The following BACH2 variants were observed in gnomAD, a reference collection of about 807,000 sequenced individuals.
BACH2 encodes the protein transcription regulator protein BACH2.
A neutral mutation model predicts 61.8 loss-of-function variants in BACH2; 5 were observed. The observed-to-expected ratio is 0.08, with a 90% CI of 0.04 to 0.17. The LOEUF (loss-of-function observed/expected upper bound fraction) is 0.17, where lower values mean the gene tolerates loss of function less well. Among genes scored for constraint, BACH2 ranks in the 10% least tolerant of loss-of-function variants. The pLI is 1.00. For synonymous variants in BACH2, 446 were observed against 440.1 expected (o/e 1.01, Z -0.17); for missense variants, 824 against 1,091.1 (o/e 0.76, Z 3.45).
Position 89,951,719 on chromosome 6 carries a change from C to T in BACH2, c.387G>A (p.Leu129=). Residue 129 remains leucine (L), a synonymous_variant, in exon 7 of 9, where the codon CTG becomes CTA. Transcript: ENST00000257749. This position sits in a 1 kb window ranked among gnomAD's most constrained non-coding sequence, Gnocchi z 6.4. ...HNLEDSCFSF[L]QTQLLNSEDG... is the part of the protein sequence containing the mutation. ...CCTCACTGTTCAGGAGCTGGGTCTG[C>T]AGGAAGCTGAAGCAGGAGTCCTCCA... The T allele has an allele frequency of 6.2e-7, 1 of 1,614,230 alleles. No individual in the cohort carries two copies. Among genetic ancestry groups the T allele is most frequent in the Non-Finnish European group, 8.5e-7 (1 of 1,180,046 alleles).
At chr6:90,139,902 A>C (rs1323858882) in intron 4 of BACH2, among the ~76,000 whole-genome samples, 1 of 151,902 alleles carries the variant, frequency 6.6e-6, no homozygotes, top group Non-Finnish European at 1.5e-5. Flanking sequence ...GCTAATAGAC[A>C]CCCTCCCCAA....
intron 3 of BACH2, among the ~76,000 whole-genome samples, chr6:90,230,134 T>C (rs534205916): frequency 6.6e-6 from 1 of 152,190 alleles, no homozygotes; most frequent in Non-Finnish European, 1.5e-5. Flanking sequence ...CAGAGAGGTT[T>C]TGAGAAAGGA....
chr6:90,124,050 G>C (rs1783749653), intron 4 of BACH2, among the ~76,000 whole-genome samples: 1 of 152,138 alleles, frequency 6.6e-6, no homozygotes, highest in African/African-American at 2.4e-5. Context: ...CTTAAGGGTG[G>C]CTGAGTCAGA....
At chr6:90,230,902 T>C (rs906666895) in intron 3 of BACH2, among the ~76,000 whole-genome samples, 2 of 152,184 alleles carry the variant, frequency 1.3e-5, no homozygotes, top group African/African-American at 4.8e-5. Flanking sequence ...TTGCTTCCAT[T>C]GATCATCCCT....
intron 5 of BACH2, among the ~76,000 whole-genome samples, chr6:90,075,402 C>T (rs924897418): frequency 6.6e-6 from 1 of 152,078 alleles, no homozygotes; most frequent in Non-Finnish European, 1.5e-5. Flanking sequence ...AAACTAAAAG[C>T]GTTTTTAAGG....
intron 4 of BACH2, among the ~76,000 whole-genome samples, chr6:90,112,975 T>C (rs1033229238): frequency 6.6e-6 from 1 of 152,084 alleles, no homozygotes; most frequent in Admixed American, 6.6e-5. Context: ...ACAAAGCTGA[T>C]TTCAAACCAA....
intron 5 of BACH2, among the ~76,000 whole-genome samples, chr6:90,029,755 C>T (rs1778854933): frequency 6.6e-6 from 1 of 152,220 alleles, no homozygotes; most frequent in Non-Finnish European, 1.5e-5. Context: ...TGTTTCTTCA[C>T]ACATATCCCT....
chr6:90,216,357 CCT>C (rs768904257), intron 3 of BACH2, among the ~76,000 whole-genome samples: 22 of 152,176 alleles, frequency 1.4e-4, no homozygotes, highest in Non-Finnish European at 3.1e-4. Flanking sequence ...GCTGCCTTGC[CCT>C]CTTTCTGGGG....
intron 5 of BACH2, among the ~76,000 whole-genome samples, chr6:90,072,896 C>G (rs62408197): frequency 6.6e-6 from 1 of 152,094 alleles, no homozygotes; most frequent in Non-Finnish European, 1.5e-5. Context: ...TAAAAAAAAC[C>G]AACCCGCTAC....
intron 1 of BACH2, among the ~76,000 whole-genome samples, chr6:90,295,718 G>A (rs1772333660): frequency 1.3e-5 from 2 of 152,166 alleles, no homozygotes; most frequent in South Asian, 2.1e-4. Context: ...CTGTGGGAGA[G>A]GAGGTGCAAG....
rs759035058 is a variant in BACH2, at chr6:89,950,572, G to C, written c.1534C>G (p.Pro512Ala). 1.2e-5 allele frequency: 20 copies of C among 1,611,506 alleles called. No individual in the cohort carries two copies. Among genetic ancestry groups the C allele is most frequent in the Admixed American group, 5.0e-5 (3 of 59,898 alleles). The part of the protein sequence containing the change: ...VPIKVCPRSP[P>A]LETRTRTSSS... ...GAAGTCCTGGTCCTGGTCTCCAAGGGGGGTGAGCGAGGGCAGACTTTGATT... is the reference window on the plus strand; with the variant it reads ...GAAGTCCTGGTCCTGGTCTCCAAGGCGGGTGAGCGAGGGCAGACTTTGATT... Residue 512 changes from proline (P) to alanine (A), a missense_variant, in exon 7 of 9, where the codon CCC becomes GCC. Around this residue, in one of 8 missense-constraint regions of BACH2, gnomAD observed 102 missense variants for 98.1 expected, o/e 1.04. Transcript: ENST00000257749. This position sits in a 1 kb window ranked among gnomAD's most constrained non-coding sequence, Gnocchi z 5.3.
At chr6:89,956,527 C>T (rs954584010) in intron 6 of BACH2, among the ~76,000 whole-genome samples, 4 of 152,204 alleles carry the variant, frequency 2.6e-5, no homozygotes, top group Non-Finnish European at 5.9e-5. Context: ...AACATATCAT[C>T]TCTCTGCTGA....
At position 89,932,905 on chromosome 6, in the gene BACH2, A is replaced by C; in HGVS notation, c.2044-15T>G. 6.4e-7 allele frequency: 1 copy of C among 1,550,522 alleles called. No homozygotes were observed. Among genetic ancestry groups the C allele is most frequent in the Non-Finnish European group, 8.7e-7 (1 of 1,144,326 alleles). The stretch of plus-strand genomic sequence containing the variant: ...TTCTCACACACCTGGACAGTAGAGA[A>C]AAAAAGAGAAGGGTTGATCAAGCCT... On this transcript the variant is annotated splice_polypyrimidine_tract_variant and intron_variant, in intron 8 of 8. Transcript: ENST00000257749.
chr6:90,259,919 T>C (rs1346501010), intron 2 of BACH2, among the ~76,000 whole-genome samples: 3 of 152,126 alleles, frequency 2.0e-5, no homozygotes, highest in Non-Finnish European at 2.9e-5. Flanking sequence ...ATTTCTTCAA[T>C]TTCATTTTTG....
chr6:89,999,202 G>C (rs12214856), intron 6 of BACH2, among the ~76,000 whole-genome samples: 1 of 152,052 alleles, frequency 6.6e-6, no homozygotes, highest in African/African-American at 2.4e-5. Flanking sequence ...TCAGCTTTCA[G>C]CCTAAATGAT....
At chr6:90,080,902 G>T in intron 5 of BACH2, 1 of 393,238 alleles carries the variant, frequency 2.5e-6, no homozygotes, top group South Asian at 1.1e-4. Flanking sequence ...TTTTTTGGGT[G>T]ATAGTCCACT....
chr6:90,257,267 T>C (rs1047427777), intron 2 of BACH2, among the ~76,000 whole-genome samples: 11 of 152,334 alleles, frequency 7.2e-5, no homozygotes, highest in African/African-American at 2.2e-4. Flanking sequence ...GGGTCATATA[T>C]GGTAGTTCTG....
chr6:90,101,316 C>A (rs184212781), intron 4 of BACH2, among the ~76,000 whole-genome samples: 1 of 152,166 alleles, frequency 6.6e-6, no homozygotes. Context: ...CACTGCCTAA[C>A]GCAAGGTCAC....
intron 4 of BACH2, among the ~76,000 whole-genome samples, chr6:90,183,199 A>G (rs1768227987): frequency 6.6e-6 from 1 of 152,220 alleles, no homozygotes; most frequent in South Asian, 2.1e-4. Flanking sequence ...AATAATAATG[A>G]CTGATATTTA....
Sources: gnomAD v4.1 joint callset for allele counts (sites outside exome capture counted in the v4.1 genomes callset) on GRCh38, gnomAD v4.1.1 for gene constraint, gnomAD v4.1.1 regional missense constraint, Gnocchi (gnomAD v3.1) non-coding constraint, MANE v1.5 for transcripts, NCBI Gene and HGNC (gene_info 2026-07-23, HGNC 2026-07-21) for gene names.